The following EDRF1 variants were observed in gnomAD, a reference collection of about 807,000 sequenced individuals.
The protein encoded by EDRF1 is erythroid differentiation-related factor 1.
Under a neutral mutation model 148.7 loss-of-function variants are expected in EDRF1, and 69 were observed. That is an observed-to-expected ratio of 0.46 (90% CI 0.38 to 0.57). The LOEUF is 0.57. EDRF1 is among the 20% of genes least tolerant of loss of function. The pLI is 0.00. For missense variants in EDRF1, 1,118 were observed against 1,478.7 expected (o/e 0.76, Z 4.00); for synonymous variants, 515 against 532.8 (o/e 0.97, Z 0.46).
chr10:125,722,457 C>T (rs185030929), intron 2 of EDRF1, among the ~76,000 whole-genome samples: 1 of 152,190 alleles, frequency 6.6e-6, no homozygotes, highest in Non-Finnish European at 1.5e-5. Context: ...TGTCCTGACT[C>T]TGCCATTTAG....
chr10:125,730,334 T>C lies in EDRF1; in HGVS notation c.1063T>C (p.Leu355=). The C allele has an allele frequency of 6.2e-7, 1 of 1,614,044 alleles. No individual in the cohort carries two copies. The highest frequency in any genetic ancestry group is 8.5e-7 in the Non-Finnish European group (1 of 1,179,918). ...TGTGCTAACTGGAATTGACTATTGG[T>C]TGGACAACTTGATATGCAATGTGCC... ...INVLTGIDYW[L]DNLICNVPEL... Residue 355 remains leucine (L), a synonymous_variant, in exon 9 of 25, where the codon TTG becomes CTG. Coordinates refer to ENST00000356792, the MANE Select transcript of EDRF1 (RefSeq NM_001202438.2).
At chr10:125,743,698 G>A (rs990582005) in intron 18 of EDRF1, among the ~76,000 whole-genome samples, 7 of 152,224 alleles carry the variant, frequency 4.6e-5, no homozygotes, top group Non-Finnish European at 8.8e-5. Context: ...TTATAAGTTA[G>A]AAGGCTTTTG....
In EDRF1 at chr10:125,719,945, G is replaced by A. The variant is rs376638772; in HGVS notation, c.108+30G>A. ...GTCCTCCGCGGAGGGGGACCTGCCA[G>A]GGATGTGGGAGCGGAGGACCCGCTC... On this transcript the variant is annotated intron_variant, in intron 1 of 24. Coordinates refer to ENST00000356792, the MANE Select transcript of EDRF1 (RefSeq NM_001202438.2). 5 of 1,594,158 alleles carry A rather than the reference G, an allele frequency of 3.1e-6. No individual in the cohort carries two copies. In the African/African-American group the frequency reaches 5.4e-5, roughly 17 times the overall value.
chr10:125,728,472 G>A (rs1848361706), intron 6 of EDRF1, among the ~76,000 whole-genome samples: 1 of 152,086 alleles, frequency 6.6e-6, no homozygotes, highest in East Asian at 1.9e-4. Context: ...TGCTAAACTG[G>A]AGACTGTTAA....
chr10:125,720,201 A>T (rs1847915979), intron 1 of EDRF1, among the ~76,000 whole-genome samples: 1 of 152,220 alleles, frequency 6.6e-6, no homozygotes, highest in Admixed American at 6.5e-5. Context: ...GAGGGAAGAA[A>T]CGGTGCCAGG....
chr10:125,756,452 G>A (rs1023692455), intron 24 of EDRF1, among the ~76,000 whole-genome samples: 5 of 152,212 alleles, frequency 3.3e-5, no homozygotes, highest in African/African-American at 1.2e-4. Context: ...TAGGTTAAGC[G>A]TGTTCATAGT....
At chr10:125,741,475 G>A (rs1007339304) in intron 17 of EDRF1, 1 of 422,830 alleles carries the variant, frequency 2.4e-6, no homozygotes, top group Admixed American at 2.9e-5. Flanking sequence ...GCGCCACCAT[G>A]CCCGGCTAGC....
chr10:125,738,153 C>T (rs1408172478), intron 14 of EDRF1, 142 bp from the exon 15 acceptor site: 2 of 1,377,370 alleles, frequency 1.5e-6, no homozygotes, highest in East Asian at 4.6e-5. Flanking sequence ...CCAAATCTTT[C>T]AGATCAAACA....
chr10:125,730,875 G>A (rs181200469), intron 9 of EDRF1, among the ~76,000 whole-genome samples: 1 of 152,280 alleles, frequency 6.6e-6, no homozygotes, highest in East Asian at 1.9e-4. Flanking sequence ...AGGCGTGTTG[G>A]CTTATTCCTG....
chr10:125,743,191 A>G lies in EDRF1; in HGVS notation c.2505A>G (p.Gln835=). 6.2e-7 allele frequency: 1 copy of G among 1,613,916 alleles called. No individual in the cohort carries two copies. Among genetic ancestry groups the G allele is most frequent in the Non-Finnish European group, 8.5e-7 (1 of 1,179,906 alleles). Residue 835 remains glutamine, a synonymous_variant, in exon 18 of 25, where the codon CAA becomes CAG. Transcript: ENST00000356792. ...LKSQNPEHYV[Q]VLKRMGNIRN... ...GCCAAAATCCAGAACACTATGTACA[A>G]GTATTAAAGAGAATGGGTAACATTA...
intron 8 of EDRF1, 72 bp downstream of exon 8, chr10:125,729,551 G>C: frequency 1.3e-6 from 2 of 1,588,908 alleles, no homozygotes; most frequent in Non-Finnish European, 1.7e-6. Flanking sequence ...TGTTCCATCA[G>C]ACTGAGGTTG....
chr10:125,727,036 G>GT (rs5788713), intron 6 of EDRF1, among the ~76,000 whole-genome samples: 7 of 151,360 alleles, frequency 4.6e-5, no homozygotes, highest in Non-Finnish European at 7.4e-5. Context: ...TTTGTACAAG[G>GT]TTTTTTTTTT....
At chr10:125,742,754 G>A (rs1192382586) in intron 17 of EDRF1, 2 of 984,916 alleles carry the variant, frequency 2.0e-6, no homozygotes, top group Non-Finnish European at 2.4e-6. Flanking sequence ...CTTTGTATTA[G>A]TGGACAACTT....
intron 4 of EDRF1, 66 bp from the exon 5 acceptor site, chr10:125,725,252 T>C (rs556481440): frequency 8.2e-6 from 13 of 1,590,324 alleles, no homozygotes; most frequent in Non-Finnish European, 1.0e-5. Context: ...TTCTGTAAGC[T>C]AGTACTAGGT....
chr10:125,742,989 G>C lies in EDRF1; in HGVS notation c.2372-69G>C, dbSNP rs1011794748. The stretch of plus-strand genomic sequence containing the variant: ...TTATTACTTAGAATTTAGAATCTCA[G>C]GTTCATTTGGATACTGAGGAAGAAG... On this transcript the variant is annotated intron_variant, in intron 17 of 24. Coordinates refer to ENST00000356792, the MANE Select transcript of EDRF1 (RefSeq NM_001202438.2). 3.8e-6 allele frequency: 6 copies of C among 1,581,250 alleles called. No individual in the cohort carries two copies. The African/African-American group carries it at 6.7e-5, about 18-fold the overall frequency.
At chr10:125,736,262 G>A (rs1207979477) in intron 13 of EDRF1, among the ~76,000 whole-genome samples, 1 of 152,034 alleles carries the variant, frequency 6.6e-6, no homozygotes, top group East Asian at 1.9e-4. Context: ...GGTGAACATA[G>A]AGTAGAGAAG....
chr10:125,763,561 G>C lies in EDRF1; in HGVS notation c.*89G>C. On this transcript the variant is annotated 3_prime_UTR_variant, in exon 25 of 25. Transcript: ENST00000356792. The surrounding 1 kb of genome is among the most constrained non-coding windows in gnomAD (Gnocchi z 4.3). ...CGGTGCTTTGTTTCATTAAATAATA[G>C]GGAAATATCCATTTAAAACAGGTAT... 1 of 1,381,548 alleles carries C rather than the reference G, an allele frequency of 7.2e-7. No individual in the cohort carries two copies. Among genetic ancestry groups the C allele is most frequent in the South Asian group, 1.2e-5 (1 of 81,544 alleles). The allele number at this position is 1,381,548 out of a possible 1,614,324, so 85.6% of individuals were successfully genotyped here.
chr10:125,737,857 AACAATATGTTG>A, intron 13 of EDRF1, 50 bp from the exon 14 acceptor site: 1 of 1,503,358 alleles, frequency 6.7e-7, no homozygotes, highest in African/African-American at 1.4e-5. Flanking sequence ...CTTCAACAAA[AACAATATGTTG>A]ACCTTAATAC....
At chr10:125,720,058 A>G (rs1847909328) in intron 1 of EDRF1, 143 bp downstream of exon 1, 2 of 687,720 alleles carry the variant, frequency 2.9e-6, no homozygotes, top group African/African-American at 3.7e-5. Flanking sequence ...GTTGAAGTCC[A>G]TGCTCCAGTC....
Sources: gnomAD v4.1 joint callset for allele counts (sites outside exome capture counted in the v4.1 genomes callset) on GRCh38, gnomAD v4.1.1 for gene constraint, Gnocchi (gnomAD v3.1) non-coding constraint, MANE v1.5 for transcripts, NCBI Gene and HGNC (gene_info 2026-07-23, HGNC 2026-07-21) for gene names.